The following TENT5C variants were observed in gnomAD, a reference collection of about 807,000 sequenced individuals.
The protein encoded by TENT5C is terminal nucleotidyltransferase 5C, also known as family with sequence similarity 46 member C.
Under a neutral mutation model 22.2 loss-of-function variants are expected in TENT5C, and 5 were observed. The ratio of observed to expected loss-of-function variants is 0.22; its 90% confidence interval spans 0.12 to 0.47. The LOEUF (loss-of-function observed/expected upper bound fraction) is 0.47. TENT5C is among the 20% of genes least tolerant of loss of function. TENT5C has a pLI of 0.99. For synonymous variants in TENT5C, 199 were observed against 195.4 expected, an observed-to-expected ratio of 1.02 and a Z score of -0.15; for missense variants, 364 against 500.9, an observed-to-expected ratio of 0.73 and a Z score of 2.61.
In TENT5C at chr1:117,622,900, G is replaced by A; in HGVS notation, c.32G>A (p.Cys11Tyr). The A allele has an allele frequency of 6.2e-7, 1 of 1,613,194 alleles. No individual in the cohort carries two copies. The highest frequency in any genetic ancestry group is 8.5e-7 in the Non-Finnish European group (1 of 1,179,188). ...GAGGAGAGCAGCTGTACCAGGGATTGCATGTCCTTCAGCGTGCTCAACTGG... is the reference window on the plus strand; with the variant it reads ...GAGGAGAGCAGCTGTACCAGGGATTACATGTCCTTCAGCGTGCTCAACTGG... Reference protein sequence around the residue: MAEESSCTRDCMSFSVLNWDQ... With the variant: MAEESSCTRDYMSFSVLNWDQ... Residue 11 changes from cysteine (C) to tyrosine (Y), a missense_variant, in exon 2 of 2, where the codon TGC (cysteine) becomes TAC (tyrosine). Cys to Tyr is a radical substitution (Grantham distance 194). This residue lies in a region of TENT5C where 303 missense variants were observed against 394.5 expected (regional missense o/e 0.77). Coordinates refer to ENST00000369448, the MANE Select transcript of TENT5C (RefSeq NM_017709.4).
intron 1 of TENT5C, among the ~76,000 whole-genome samples, chr1:117,614,771 C>T (rs1255731699): frequency 6.6e-6 from 1 of 152,156 alleles, no homozygotes; most frequent in Admixed American, 6.5e-5. Flanking sequence ...CAGGATCAGC[C>T]CATTCCTGAT....
chr1:117,622,833 C>G lies in TENT5C; in HGVS notation c.-27-9C>G. 6.3e-7 allele frequency: 1 copy of G among 1,582,302 alleles called. No individual in the cohort carries two copies. Among genetic ancestry groups the G allele is most frequent in the Non-Finnish European group, 8.7e-7 (1 of 1,155,562 alleles). On this transcript the variant is annotated splice_polypyrimidine_tract_variant and intron_variant, in intron 1 of 1. Coordinates refer to ENST00000369448, the MANE Select transcript of TENT5C (RefSeq NM_017709.4). ...AATCCTAACTCTGCTTCTCACCCCT[C>G]ACTTTCAGTTTCCCCAGCCAGAACA...
Position 117,624,230 on chromosome 1 carries a change from T to G in TENT5C, c.*186T>G. On this transcript the variant is annotated 3_prime_UTR_variant, in exon 2 of 2. Transcript: ENST00000369448. ...TCTACAGTGTATCATGAGCCAACCC[T>G]CAAAGGACCCGTATTACAGTGCCAC... 2 of 579,952 alleles carry G rather than the reference T, an allele frequency of 3.4e-6. No homozygotes were observed. The highest frequency in any genetic ancestry group is 3.0e-6 in the Non-Finnish European group (1 of 328,334). The allele number at this position is 579,952 out of a possible 1,614,324, so 35.9% of individuals were successfully genotyped here. A position where few individuals can be genotyped will look rare whatever the true frequency, so the allele number is the denominator to read the frequency against.
chr1:117,623,378 C>T lies in TENT5C; in HGVS notation c.510C>T (p.Val170=), dbSNP rs138953844. Residue 170 remains valine, a synonymous_variant, in exon 2 of 2, where the codon GTC becomes GTT. Transcript: ENST00000369448. ...GGAAGAACGTGGAGCTGAAGTTTGT[C>T]GACTCCATTCGGCGTCAGTTTGAGT... ...KNGKNVELKF[V]DSIRRQFEFS... 453 of 1,613,992 alleles carry T rather than the reference C, an allele frequency of 2.8e-4. No homozygotes were observed. Among genetic ancestry groups the T allele is most frequent in the Admixed American group, 1.3e-3 (77 of 59,998 alleles).
chr1:117,619,780 A>G, intron 1 of TENT5C, among the ~76,000 whole-genome samples: 1 of 151,974 alleles, frequency 6.6e-6, no homozygotes, highest in East Asian at 1.9e-4. Flanking sequence ...TCTTCACTTT[A>G]CTATTCTGAA....
At chr1:117,609,617 C>G (rs1653621908) in intron 1 of TENT5C, among the ~76,000 whole-genome samples, 1 of 152,206 alleles carries the variant, frequency 6.6e-6, no homozygotes, top group Non-Finnish European at 1.5e-5. Context: ...TTGGAAATGC[C>G]TTTGGAAGAG....
chr1:117,608,392 C>G (rs190478551), intron 1 of TENT5C, among the ~76,000 whole-genome samples: 16 of 152,166 alleles, frequency 1.1e-4, no homozygotes, highest in Non-Finnish European at 7.4e-5. Flanking sequence ...GCCCGTCCCC[C>G]CTCAGCTGTA....
chr1:117,624,308 A>G lies in TENT5C; in HGVS notation c.*264A>G, dbSNP rs1254940167. On this transcript the variant is annotated 3_prime_UTR_variant, in exon 2 of 2. Transcript: ENST00000369448. Reference sequence around the variant, plus strand: ...CTATCCACATCTTTCCAAGATAGACACTAACATGTCATGTCCCAAACATTA... The same window carrying G: ...CTATCCACATCTTTCCAAGATAGACGCTAACATGTCATGTCCCAAACATTA... The G allele has an allele frequency of 8.6e-6, 4 of 466,512 alleles. No homozygotes were observed. The highest frequency in any genetic ancestry group is 3.9e-5 in the African/African-American group (2 of 51,068). 28.9% of individuals were successfully genotyped at this position (466,512 alleles called of 1,614,324 possible).
At chr1:117,610,763 G>A (rs12046377) in intron 1 of TENT5C, among the ~76,000 whole-genome samples, 7,634 of 152,232 alleles carry the variant, frequency 0.05, 250 homozygotes, top group East Asian at 0.11. Context: ...TCTTGACCTC[G>A]TGATCTGCCT....
intron 1 of TENT5C, among the ~76,000 whole-genome samples, chr1:117,607,697 T>C (rs1005491326): frequency 3.3e-5 from 5 of 152,038 alleles, no homozygotes; most frequent in Admixed American, 6.6e-5. Flanking sequence ...GCAAGAGTGG[T>C]AGGAGAGCTT....
At chr1:117,608,741 G>C (rs201362394) in intron 1 of TENT5C, among the ~76,000 whole-genome samples, 2 of 150,836 alleles carry the variant, frequency 1.3e-5, no homozygotes, top group East Asian at 3.9e-4. Context: ...AAACCCAAAG[G>C]CTCTCAGTGG....
chr1:117,623,123 C>T lies in TENT5C; in HGVS notation c.255C>T (p.Gly85=), dbSNP rs1445768936. 1 of 1,614,206 alleles carries T rather than the reference C, an allele frequency of 6.2e-7. No individual in the cohort carries two copies. Among genetic ancestry groups the T allele is most frequent in the Non-Finnish European group, 8.5e-7 (1 of 1,180,042 alleles). The change falls in exon 2 of 2, where the codon GGC becomes GGT. Residue 85 remains glycine, a synonymous_variant. Transcript: ENST00000369448. ...AAGHVLVKDN[G]LGCKDLDLIF... Reference sequence around the variant, plus strand: ...GCCACGTTTTGGTCAAAGACAATGGCTTGGGCTGCAAAGACCTGGACCTAA... The same window carrying T: ...GCCACGTTTTGGTCAAAGACAATGGTTTGGGCTGCAAAGACCTGGACCTAA...
chr1:117,607,398 C>T (rs977254733), intron 1 of TENT5C, among the ~76,000 whole-genome samples: 2 of 152,202 alleles, frequency 1.3e-5, no homozygotes, highest in African/African-American at 4.8e-5. Flanking sequence ...AAAGTGCATA[C>T]AAATGAAGTG....
Position 117,623,767 on chromosome 1 carries a change from A to G in TENT5C, c.899A>G (p.Glu300Gly). The change falls in exon 2 of 2, where the codon GAG becomes GGG. Residue 300 changes from glutamate (E) to glycine (G), a missense_variant. By Grantham distance (98) the Glu-to-Gly change is moderately conservative. Around this residue, in one of 3 missense-constraint regions of TENT5C, gnomAD observed 303 missense variants for 394.5 expected, o/e 0.77. Transcript: ENST00000369448. Reference sequence around the variant, plus strand: ...CTTCAAAACCACTTCGCTGAAGAAGAGAGAAGCAAGTACGACTACCTCATG... The same window carrying G: ...CTTCAAAACCACTTCGCTGAAGAAGGGAGAAGCAAGTACGACTACCTCATG... ...TYLQNHFAEE[E>G]RSKYDYLMIL... The G allele has an allele frequency of 6.2e-7, 1 of 1,614,192 alleles. No homozygotes were observed. Among genetic ancestry groups the G allele is most frequent in the Non-Finnish European group, 8.5e-7 (1 of 1,180,038 alleles).
At chr1:117,620,180 G>A (rs1475597474) in intron 1 of TENT5C, among the ~76,000 whole-genome samples, 11 of 152,140 alleles carry the variant, frequency 7.2e-5, no homozygotes, top group South Asian at 6.2e-4. Context: ...CCATTGTAGC[G>A]TAGGCATTGT....
chr1:117,610,807 G>A (rs1409816983), intron 1 of TENT5C, among the ~76,000 whole-genome samples: 2 of 152,228 alleles, frequency 1.3e-5, no homozygotes, highest in Non-Finnish European at 2.9e-5. Context: ...GATTACAGGT[G>A]TGAGCCACCA....
chr1:117,622,973 C>T lies in TENT5C; in HGVS notation c.105C>T (p.Ile35=). Residue 35 remains isoleucine, a synonymous_variant, in exon 2 of 2, where the codon ATC becomes ATT. Coordinates refer to ENST00000369448, the MANE Select transcript of TENT5C (RefSeq NM_017709.4). Reference sequence around the variant, plus strand: ...AGGTCCTCACTGAAGTTGTACCTATCCACGGACGAGGCAACTTTCCAACCT... The same window carrying T: ...AGGTCCTCACTGAAGTTGTACCTATTCACGGACGAGGCAACTTTCCAACCT... ...LHEVLTEVVP[I]HGRGNFPTLE... 1 of 1,614,212 alleles carries T rather than the reference C, an allele frequency of 6.2e-7. No homozygotes were observed. Among genetic ancestry groups the T allele is most frequent in the Non-Finnish European group, 8.5e-7 (1 of 1,180,040 alleles).
rs569447918 is a variant in TENT5C at position 117,625,974 on chromosome 1, AG to A, written c.*1931del. 4.0e-6 allele frequency: 1 copy of A among 247,466 alleles called. No individual in the cohort carries two copies. Among genetic ancestry groups the A allele is most frequent in the Non-Finnish European group, 8.5e-6 (1 of 117,818 alleles). 15.3% of individuals were successfully genotyped at this position (247,466 alleles called of 1,614,324 possible). On this transcript the variant is annotated 3_prime_UTR_variant, in exon 2 of 2. Transcript: ENST00000369448. ...TAATTGAGGGGACCCAGTGTGCTTCAGTGTTAAGAGTGGGGCAATGAAGAGT... is the reference window on the plus strand; with the variant it reads ...TAATTGAGGGGACCCAGTGTGCTTCATGTTAAGAGTGGGGCAATGAAGAGT...
At position 117,627,041 on chromosome 1, in the gene TENT5C, A is replaced by G. The variant is rs1654028927; in HGVS notation, c.*2997A>G. On this transcript the variant is annotated 3_prime_UTR_variant, in exon 2 of 2. Transcript: ENST00000369448. ...TCAATAATTTCAATGCTGAAACTGA[A>G]CTCTATTACTAATGCCTTCCAATCA... 1 of 247,952 alleles carries G rather than the reference A, an allele frequency of 4.0e-6. No homozygotes were observed. Among genetic ancestry groups the G allele is most frequent in the Non-Finnish European group, 8.5e-6 (1 of 118,104 alleles). The allele number at this position is 247,952 out of a possible 1,614,324, so 15.4% of individuals were successfully genotyped here.
Sources: allele counts gnomAD v4.1 joint callset (sites outside exome capture counted in the v4.1 genomes callset), GRCh38; gene constraint gnomAD v4.1.1; regional missense constraint gnomAD v4.1.1; transcripts MANE v1.5; gene names NCBI Gene and HGNC (gene_info 2026-07-23, HGNC 2026-07-21).